Variants in WDPCP observed in about 807,000 individuals in gnomAD.
The protein encoded by WDPCP is WD repeat containing planar cell polarity effector.
Under a neutral mutation model 93.1 loss-of-function variants are expected in WDPCP, and 71 were observed. The ratio of observed to expected loss-of-function variants is 0.76; its 90% CI spans 0.63 to 0.93. WDPCP has a LOEUF of 0.93. WDPCP is among the 40% of genes least tolerant of loss of function. WDPCP has a pLI of 0.00. For missense variants in WDPCP, 844 were observed against 887.4 expected (o/e 0.95, Z 0.62); for synonymous variants, 315 against 315.0 (o/e 1.00, Z 0.00).
intron 1 of WDPCP, among the ~76,000 whole-genome samples, chr2:63,539,616 G>A (rs1347185248): frequency 6.6e-6 from 1 of 152,096 alleles, no homozygotes; most frequent in South Asian, 2.1e-4. Flanking sequence ...AACTTGGGAG[G>A]AGGAGGTTGC....
intron 2 of WDPCP, among the ~76,000 whole-genome samples, chr2:63,659,291 G>C (rs1030133540): frequency 6.6e-6 from 1 of 152,152 alleles, no homozygotes; most frequent in Non-Finnish European, 1.5e-5. Flanking sequence ...ACTAGATATC[G>C]TGAGCTGCAC....
At chr2:63,304,960 G>A (rs537200920) in intron 13 of WDPCP, among the ~76,000 whole-genome samples, 4 of 152,156 alleles carry the variant, frequency 2.6e-5, no homozygotes, top group South Asian at 2.1e-4. Flanking sequence ...TTCCCCTCAC[G>A]TTGTAAACAA....
intron 15 of WDPCP, among the ~76,000 whole-genome samples, chr2:63,164,704 T>C (rs1672845559): frequency 6.6e-6 from 1 of 152,194 alleles, no homozygotes; most frequent in African/African-American, 2.4e-5. Context: ...CAATATAATG[T>C]TTAAGGCTTT....
intron 9 of WDPCP, among the ~76,000 whole-genome samples, chr2:63,413,735 T>C (rs1490162276): frequency 6.6e-6 from 1 of 151,688 alleles, no homozygotes; most frequent in East Asian, 1.9e-4. Context: ...GAGGTGGAGG[T>C]TGCAGTGAGC....
chr2:63,324,797 TC>T (rs1381384820), intron 12 of WDPCP, among the ~76,000 whole-genome samples: 1 of 151,908 alleles, frequency 6.6e-6, no homozygotes, highest in Non-Finnish European at 1.5e-5. Context: ...GGGACTGGAG[TC>T]ACAAACATCT....
At chr2:63,498,547 AAAGTAAC>A (rs1701361395) in intron 1 of WDPCP, among the ~76,000 whole-genome samples, 1 of 152,218 alleles carries the variant, frequency 6.6e-6, no homozygotes, top group South Asian at 2.1e-4. Flanking sequence ...AAATTTTGAG[AAAGTAAC>A]ATGCAAAATA....
intron 12 of WDPCP, among the ~76,000 whole-genome samples, chr2:63,338,567 AAAATATATATAT>A (rs1274063321): frequency 0.018 from 195 of 10,982 alleles, 8 homozygotes; most frequent in Non-Finnish European, 0.021. Context: ...AAAAAAAAAA[AAAATATATATAT>A]ATATATATAT....
At chr2:63,322,946 A>T (rs1407048905) in intron 12 of WDPCP, among the ~76,000 whole-genome samples, 1 of 152,264 alleles carries the variant, frequency 6.6e-6, no homozygotes, top group East Asian at 1.9e-4. Context: ...GCCAGACTAA[A>T]GACACAGGTG....
At chr2:63,251,926 A>T (rs1680760262) in intron 14 of WDPCP, among the ~76,000 whole-genome samples, 1 of 151,878 alleles carries the variant, frequency 6.6e-6, no homozygotes, top group Admixed American at 6.6e-5. Flanking sequence ...CTCCTTCATA[A>T]CTCATTCTAT....
chr2:63,560,167 G>A (rs1706486848), intron 1 of WDPCP, among the ~76,000 whole-genome samples: 1 of 152,112 alleles, frequency 6.6e-6, no homozygotes, highest in Non-Finnish European at 1.5e-5. Flanking sequence ...AACTTGCAGT[G>A]AGCCAAGATC....
intron 2 of WDPCP, among the ~76,000 whole-genome samples, chr2:63,662,972 C>A (rs1710242740): frequency 6.6e-6 from 1 of 152,136 alleles, no homozygotes; most frequent in Non-Finnish European, 1.5e-5. Context: ...CCACAGATGC[C>A]CATGCCACTG....
In WDPCP at chr2:63,153,464, T is replaced by G. The variant is rs368362124; in HGVS notation, c.2158+31A>C. The G allele has an allele frequency of 4.5e-6, 7 of 1,547,336 alleles. No homozygotes were observed. In the African/African-American group the frequency reaches 8.1e-5, roughly 18 times the overall value. On this transcript the variant is annotated intron_variant, in intron 16 of 17. Coordinates refer to ENST00000272321, the MANE Select transcript of WDPCP (RefSeq NM_015910.7). ...TATAACATAGTTTTTCTGTTATACT[T>G]TGAATACTTGGGTGTCTTGAATACC...
intron 12 of WDPCP, among the ~76,000 whole-genome samples, chr2:63,371,146 A>G (rs934882638): frequency 1.3e-5 from 2 of 152,276 alleles, no homozygotes; most frequent in Non-Finnish European, 1.5e-5. Flanking sequence ...AGTCTTATCA[A>G]TCTTGTCAGT....
At chr2:63,755,249 T>C (rs1287929362) in intron 2 of WDPCP, among the ~76,000 whole-genome samples, 6 of 152,210 alleles carry the variant, frequency 3.9e-5, no homozygotes, top group Non-Finnish European at 7.4e-5. Flanking sequence ...ACAGGGACCA[T>C]GAGCCAAGAA....
intron 2 of WDPCP, among the ~76,000 whole-genome samples, chr2:63,804,098 T>C (rs1670730318): frequency 6.6e-6 from 1 of 152,158 alleles, no homozygotes; most frequent in Non-Finnish European, 1.5e-5. Flanking sequence ...GGCTTGTGAC[T>C]ATGAAATTTT....
At chr2:63,557,307 T>C (rs1026614615) in intron 1 of WDPCP, among the ~76,000 whole-genome samples, 1 of 151,766 alleles carries the variant, frequency 6.6e-6, no homozygotes, top group African/African-American at 2.4e-5. Flanking sequence ...AATAAAACGA[T>C]GAAGGAAAAT....
chr2:63,577,084 A>G (rs538214484), intron 1 of WDPCP, among the ~76,000 whole-genome samples: 107 of 152,340 alleles, frequency 7.0e-4, no homozygotes, highest in Non-Finnish European at 1.3e-3. Context: ...TCTAGTCAAT[A>G]TGGTAACTTA....
chr2:63,625,199 A>T (rs1462536915), intron 3 of WDPCP, among the ~76,000 whole-genome samples: 1 of 152,222 alleles, frequency 6.6e-6, no homozygotes, highest in Non-Finnish European at 1.5e-5. Flanking sequence ...AGAGCTATTT[A>T]TGACAAACCC....
At chr2:63,673,180 T>C (rs933949816) in intron 2 of WDPCP, among the ~76,000 whole-genome samples, 3 of 152,148 alleles carry the variant, frequency 2.0e-5, no homozygotes, top group African/African-American at 7.2e-5. Context: ...AGTATGCAGA[T>C]GTGTGTGGGT....
Sources: allele counts gnomAD v4.1 joint callset (sites outside exome capture counted in the v4.1 genomes callset), GRCh38; gene constraint gnomAD v4.1.1; transcripts MANE v1.5; gene names NCBI Gene and HGNC (gene_info 2026-07-23, HGNC 2026-07-21).